ABR: variants seen among roughly 807,000 people sequenced by gnomAD.
ABR encodes the protein ABR activator of RhoGEF and GTPase.
In ABR, 35 loss-of-function variants were observed where a neutral mutation model predicts 107.2. The ratio of observed to expected loss-of-function variants is 0.33; its 90% CI spans 0.25 to 0.43. The LOEUF (loss-of-function observed/expected upper bound fraction) is 0.43, where lower values mean the gene tolerates loss of function less well. Among genes scored for constraint, ABR ranks in the 20% least tolerant of loss-of-function variants. The pLI is 1.00. For synonymous variants in ABR, 498 were observed against 462.0 expected (o/e 1.08, Z -1.00); for missense variants, 815 against 1,115.2 (o/e 0.73, Z 3.83).
At chr17:1,158,156 G>A (rs964383884) in intron 1 of ABR, among the ~76,000 whole-genome samples, 4 of 152,110 alleles carry the variant, frequency 2.6e-5, no homozygotes, top group African/African-American at 9.7e-5. Flanking sequence ...AGGCAGGAGC[G>A]AAGATGAACC....
intron 1 of ABR, among the ~76,000 whole-genome samples, chr17:1,160,233 G>T (rs1012626794): frequency 6.6e-6 from 1 of 151,528 alleles, no homozygotes. Context: ...CAGCCTAGGC[G>T]ACAGAGCAAG....
rs1170077118 is a variant in ABR at position 1,050,414 on chromosome 17, C to T, written c.1659+123G>A. ...ACACCGCGATCAGAAGCCAGAGGAG[C>T]AGGGAGCAGAAAGGGGGGTGCAGAC... On this transcript the variant is annotated intron_variant, in intron 15 of 22. Transcript: ENST00000302538. This position sits in a 1 kb window ranked among gnomAD's most constrained non-coding sequence, Gnocchi z 4.6. The T allele has an allele frequency of 9.7e-7, 1 of 1,035,528 alleles. No homozygotes were observed. Among genetic ancestry groups the T allele is most frequent in the Non-Finnish European group, 1.5e-6 (1 of 679,044 alleles). The allele number at this position is 1,035,528 out of a possible 1,614,324, so 64.1% of individuals were successfully genotyped here. A position where few individuals can be genotyped will look rare whatever the true frequency, so the allele number is the denominator to read the frequency against.
intron 6 of ABR, among the ~76,000 whole-genome samples, chr17:1,076,115 G>C (rs2035686488): frequency 6.6e-6 from 1 of 152,196 alleles, no homozygotes; most frequent in Non-Finnish European, 1.5e-5. Flanking sequence ...CCAAATACAA[G>C]CTGGTCTCGA....
In ABR at chr17:1,059,848, A is replaced by G. The variant is rs549360180; in HGVS notation, c.1183-981T>C. ...AAAATTGTAAAGAATGTTCACAGCC[A>G]GTGTTGTGACACTGTGGGGGACAGT... On this transcript the variant is annotated intron_variant, in intron 10 of 22. Transcript: ENST00000302538. Among the ~76,000 whole-genome samples, 3 of 152,352 alleles carry G rather than the reference A, an allele frequency of 2.0e-5. No homozygotes were observed. In the South Asian group the frequency reaches 6.2e-4, roughly 32 times the overall value.
intron 1 of ABR, among the ~76,000 whole-genome samples, chr17:1,219,403 T>G (rs937840631): frequency 1.3e-5 from 2 of 150,530 alleles, no homozygotes; most frequent in Non-Finnish European, 3.0e-5. Flanking sequence ...ATGTTAGTGA[T>G]TTAATAACCT....
At chr17:1,180,068 C>CG (rs1329833611), upstream of ABR, among the ~76,000 whole-genome samples, 1 of 16,762 alleles carries the variant, frequency 6.0e-5, no homozygotes, top group Non-Finnish European at 1.2e-4. Flanking sequence ...GGGGGCGGGG[C>CG]GGGGAGGGAC....
At chr17:1,117,665 GT>G in intron 2 of ABR, among the ~76,000 whole-genome samples, 1 of 59,230 alleles carries the variant, frequency 1.7e-5, no homozygotes, top group Non-Finnish European at 3.3e-5. Flanking sequence ...CTGAGCCCGA[GT>G]TCCTCCCAGC....
At chr17:1,156,010 G>T (rs1195324921) in intron 1 of ABR, 1 of 149,966 alleles carries the variant, frequency 6.7e-6, no homozygotes, top group Non-Finnish European at 1.5e-5. Flanking sequence ...ACCAGATCCT[G>T]CTGGCCATCG....
chr17:1,072,382 C>T (rs1305632797), intron 8 of ABR, among the ~76,000 whole-genome samples: 2 of 150,060 alleles, frequency 1.3e-5, no homozygotes, highest in Non-Finnish European at 3.0e-5. Context: ...GAGAAGGGGA[C>T]GAGGGACCTG....
At chr17:1,098,270 G>A (rs1467179676) in intron 3 of ABR, among the ~76,000 whole-genome samples, 1 of 151,966 alleles carries the variant, frequency 6.6e-6, no homozygotes, top group Non-Finnish European at 1.5e-5. Context: ...TAGAGACGGG[G>A]TTTCACCGTG....
At chr17:1,057,224 G>T in intron 12 of ABR, 122 bp from the exon 13 acceptor site, 1 of 629,906 alleles carries the variant, frequency 1.6e-6, no homozygotes. Flanking sequence ...TCCTTGCGAG[G>T]GAGGGGGAAG....
In ABR at chr17:1,027,144, C is replaced by T. The variant is rs532960381; in HGVS notation, c.1792-13980G>A. 1.7e-4 allele frequency among the ~76,000 whole-genome samples: 26 copies of T among 152,360 alleles called. No individual in the cohort carries two copies. Among genetic ancestry groups the T allele is most frequent in the Admixed American group, 1.3e-3 (20 of 15,306 alleles). On this transcript the variant is annotated intron_variant, in intron 16 of 22. Coordinates refer to ENST00000302538, the MANE Select transcript of ABR (RefSeq NM_021962.5). The surrounding 1 kb of genome is among the most constrained non-coding windows in gnomAD (Gnocchi z 4.7). ...CTCTGGGTACTACAGCAACACTGGG[C>T]TCAGGCAGCTTTGGCCTTTGAGGAA... is the stretch of plus-strand genomic sequence containing the variant.
chr17:1,226,443 GGT>G (rs1250449074), intron 1 of ABR, among the ~76,000 whole-genome samples: 1 of 151,846 alleles, frequency 6.6e-6, no homozygotes, highest in African/African-American at 2.4e-5. Context: ...TACGTGTGCA[GGT>G]GTGTATGTGT....
chr17:1,149,062 T>C (rs11867326), intron 1 of ABR, among the ~76,000 whole-genome samples: 34,867 of 143,802 alleles, frequency 0.24, 5,156 homozygotes, highest in African/African-American at 0.38. Flanking sequence ...CCACCATGCC[T>C]GGCTAAATTT....
chr17:1,095,371 GT>G (rs1437635055), intron 3 of ABR, among the ~76,000 whole-genome samples: 1 of 152,218 alleles, frequency 6.6e-6, no homozygotes, highest in East Asian at 1.9e-4. Context: ...GACCTTGGCT[GT>G]TACTCCTGAT....
intron 2 of ABR, among the ~76,000 whole-genome samples, chr17:1,119,797 C>T (rs2039262023): frequency 6.6e-6 from 1 of 152,240 alleles, no homozygotes. Flanking sequence ...CGGGACCTGA[C>T]AGCGCTGTGC....
intron 1 of ABR, among the ~76,000 whole-genome samples, chr17:1,199,609 C>A (rs1050805798): frequency 6.6e-6 from 1 of 151,516 alleles, no homozygotes; most frequent in Non-Finnish European, 1.5e-5. Context: ...CCACCACGCC[C>A]GGCTAATTTT....
chr17:1,013,941 C>T lies in ABR; in HGVS notation c.1792-777G>A, dbSNP rs561206515. On this transcript the variant is annotated intron_variant, in intron 16 of 22. Transcript: ENST00000302538. ...TCGCGCCCGTCTGCCTGTGCACCTGCGAACTAATTCTGAGCAACTGTGCGC... is the reference window on the plus strand; with the variant it reads ...TCGCGCCCGTCTGCCTGTGCACCTGTGAACTAATTCTGAGCAACTGTGCGC... Among the ~76,000 whole-genome samples the T allele has an allele frequency of 9.3e-4, 142 of 152,346 alleles. 1 individual carries two copies. Among genetic ancestry groups the T allele is most frequent in the African/African-American group, 3.3e-3 (139 of 41,576 alleles).
intron 1 of ABR, among the ~76,000 whole-genome samples, chr17:1,202,337 C>T (rs2042686578): frequency 6.6e-6 from 1 of 152,186 alleles, no homozygotes; most frequent in Admixed American, 6.5e-5. Flanking sequence ...CCAAGAACCT[C>T]TTTATAACAG....
Sources: gnomAD v4.1 joint callset for allele counts (sites outside exome capture counted in the v4.1 genomes callset) on GRCh38, gnomAD v4.1.1 for gene constraint, Gnocchi (gnomAD v3.1) non-coding constraint, MANE v1.5 for transcripts, NCBI Gene and HGNC (gene_info 2026-07-23, HGNC 2026-07-21) for gene names.